Variants in ENPP3 observed in about 807,000 individuals in gnomAD.
ENPP3 encodes ectonucleotide pyrophosphatase/phosphodiesterase family member 3.
Under a neutral mutation model 117.8 loss-of-function variants are expected in ENPP3, and 104 were observed. The observed-to-expected ratio is 0.88, with a 90% CI of 0.75 to 1.04. ENPP3 has a LOEUF of 1.04. Ranked by LOEUF, ENPP3 falls within the 50% of genes least tolerant of loss-of-function variation. The pLI, the probability that ENPP3 is intolerant of heterozygous loss-of-function variation, is 0.00. For synonymous variants in ENPP3, 380 were observed against 349.9 expected (o/e 1.09, Z -0.96); for missense variants, 1,026 against 1,051.9 (o/e 0.98, Z 0.34).
In ENPP3 at chr6:131,723,827, T is replaced by TCTCA. The variant is rs367662326; in HGVS notation, c.1747-212_1747-211insTCAC. On this transcript the variant is annotated intron_variant, in intron 18 of 24. Transcript: ENST00000357639. ...TTCTCTCTCTCTCTCTCTCTCTCTC[T>TCTCA]CACACACACACACACACACACACAC... is the stretch of plus-strand genomic sequence containing the variant. 8.0e-3 allele frequency among the ~76,000 whole-genome samples: 1,171 copies of TCTCA among 145,852 alleles called. 9 individuals are homozygous for TCTCA. The highest frequency in any genetic ancestry group is 0.019 in the South Asian group (88 of 4,576).
chr6:131,671,095 G>A (rs915817776), intron 6 of ENPP3, among the ~76,000 whole-genome samples, 153 bp from the exon 7 acceptor site: 1 of 152,168 alleles, frequency 6.6e-6, no homozygotes. Context: ...AATGGAGGAA[G>A]CTTAGAGACC....
chr6:131,680,404 G>A (rs1280460152), intron 11 of ENPP3, among the ~76,000 whole-genome samples: 2 of 152,080 alleles, frequency 1.3e-5, no homozygotes, highest in African/African-American at 4.8e-5. Context: ...TGCAATTGAG[G>A]TGCCTGTGAT....
At chr6:131,745,057 G>A (rs1260297062) in intron 24 of ENPP3, among the ~76,000 whole-genome samples, 2 of 152,124 alleles carry the variant, frequency 1.3e-5, no homozygotes, top group African/African-American at 2.4e-5. Flanking sequence ...AAAAAGGGAA[G>A]ACTGTCAGGT....
At chr6:131,678,958 T>TTTCCTTCC (rs1295088881) in intron 11 of ENPP3, among the ~76,000 whole-genome samples, 13 of 82,972 alleles carry the variant, frequency 1.6e-4, no homozygotes, top group African/African-American at 2.1e-4. Context: ...TCTTTCTTTC[T>TTTCCTTCC]TTCCTTCCTT....
intron 14 of ENPP3, among the ~76,000 whole-genome samples, chr6:131,688,169 G>A (rs918240761): frequency 6.6e-6 from 1 of 151,950 alleles, no homozygotes; most frequent in Non-Finnish European, 1.5e-5. Context: ...ATTGTTTTGG[G>A]GCACCATGAA....
chr6:131,673,191 A>G (rs985507299), intron 7 of ENPP3, among the ~76,000 whole-genome samples: 4 of 152,202 alleles, frequency 2.6e-5, no homozygotes, highest in African/African-American at 7.2e-5. Context: ...TAATAGAACT[A>G]GAAAAAATAT....
chr6:131,645,931 G>C (rs967834710), intron 2 of ENPP3, among the ~76,000 whole-genome samples: 1 of 151,962 alleles, frequency 6.6e-6, no homozygotes, highest in Non-Finnish European at 1.5e-5. Flanking sequence ...TCAATTCTGG[G>C]AAATTTTATA....
At chr6:131,713,401 G>A (rs1779828529) in intron 15 of ENPP3, among the ~76,000 whole-genome samples, 1 of 150,046 alleles carries the variant, frequency 6.7e-6, no homozygotes, top group Admixed American at 6.7e-5. Context: ...GCTATTTGGT[G>A]TCAAGTAGCC....
At chr6:131,645,179 G>T (rs1055165776) in intron 2 of ENPP3, among the ~76,000 whole-genome samples, 59 of 152,202 alleles carry the variant, frequency 3.9e-4, no homozygotes, top group African/African-American at 1.4e-3. Context: ...AATACTGCAG[G>T]TTCCCTTATA....
chr6:131,682,791 A>C (rs1381750239), intron 11 of ENPP3, among the ~76,000 whole-genome samples: 1 of 152,206 alleles, frequency 6.6e-6, no homozygotes, highest in Non-Finnish European at 1.5e-5. Context: ...GTTAGTTGAC[A>C]TTCAACATGG....
At chr6:131,739,055 A>C (rs1402745427) in intron 23 of ENPP3, among the ~76,000 whole-genome samples, 12 of 152,198 alleles carry the variant, frequency 7.9e-5, no homozygotes, top group Admixed American at 7.9e-4. Context: ...ACTCACATAT[A>C]CATCAGTTAA....
chr6:131,727,555 C>CAAAAAAAA (rs773470669), intron 20 of ENPP3, among the ~76,000 whole-genome samples: 1 of 52,258 alleles, frequency 1.9e-5, no homozygotes, highest in African/African-American at 6.1e-5. Flanking sequence ...AAGTCCATCT[C>CAAAAAAAA]AAAAAAAAAA....
At chr6:131,730,279 T>A (rs1040404924) in intron 20 of ENPP3, among the ~76,000 whole-genome samples, 1 of 152,158 alleles carries the variant, frequency 6.6e-6, no homozygotes, top group African/African-American at 2.4e-5. Context: ...CATACTTACG[T>A]AGCCCTTATA....
At chr6:131,693,420 A>G in intron 14 of ENPP3, 77 bp from the exon 15 acceptor site, 1 of 1,316,570 alleles carries the variant, frequency 7.6e-7, no homozygotes. Flanking sequence ...TGCTTCATAA[A>G]TTGATGTAGA....
At chr6:131,728,395 G>T (rs1043515390) in intron 20 of ENPP3, among the ~76,000 whole-genome samples, 2 of 152,132 alleles carry the variant, frequency 1.3e-5, no homozygotes, top group Non-Finnish European at 2.9e-5. Context: ...GATTCTAAGT[G>T]GGCTCAGACT....
intron 14 of ENPP3, among the ~76,000 whole-genome samples, chr6:131,689,399 G>A (rs758952753): frequency 3.3e-5 from 5 of 151,960 alleles, no homozygotes; most frequent in Non-Finnish European, 5.9e-5. Flanking sequence ...AAATCCTAGG[G>A]CCCTTACGAA....
intron 23 of ENPP3, among the ~76,000 whole-genome samples, chr6:131,739,236 A>G (rs1222236838): frequency 6.6e-6 from 1 of 152,200 alleles, no homozygotes; most frequent in African/African-American, 2.4e-5. Context: ...ATTTCTATTT[A>G]TACCAGCTTG....
At chr6:131,648,874 T>A (rs1329982236) in intron 2 of ENPP3, among the ~76,000 whole-genome samples, 1 of 152,232 alleles carries the variant, frequency 6.6e-6, no homozygotes, top group African/African-American at 2.4e-5. Flanking sequence ...TTCTTATTCC[T>A]AATATGCTGA....
Position 131,715,495 on chromosome 6 carries a change from T to A in ENPP3, c.1413-3177T>A, listed in dbSNP as rs547247531. ...AATCTGAGCTGCTCCGTTCTTCTGG[T>A]GCAGAGATTGCGGTGTAGTGGGACC... On this transcript the variant is annotated intron_variant, in intron 15 of 24. Transcript: ENST00000357639. Among the ~76,000 whole-genome samples the A allele has an allele frequency of 5.8e-5, 8 of 138,196 alleles. No homozygotes were observed. The South Asian group carries it at 1.8e-3, about 31-fold the overall frequency. 90.7% of individuals were successfully genotyped at this position (138,196 alleles called of 152,430 possible).
Sources: gnomAD v4.1 joint callset for allele counts (sites outside exome capture counted in the v4.1 genomes callset) on GRCh38, gnomAD v4.1.1 for gene constraint, MANE v1.5 for transcripts, NCBI Gene and HGNC (gene_info 2026-07-23, HGNC 2026-07-21) for gene names.